The following EXOC2 variants were observed in gnomAD, a reference collection of about 807,000 sequenced individuals.
The protein encoded by EXOC2 is SEC5-like 1.
Under a neutral mutation model 131.8 loss-of-function variants are expected in EXOC2, and 70 were observed. That is an observed-to-expected ratio of 0.53 (90% CI 0.44 to 0.65). EXOC2 has a LOEUF of 0.65. Ranked by LOEUF, EXOC2 falls within the 30% of genes least tolerant of loss-of-function variation. EXOC2 has a pLI of 0.00. For missense variants in EXOC2, 923 were observed against 1,108.6 expected, an observed-to-expected ratio of 0.83 and a Z score of 2.38; for synonymous variants, 411 against 398.4, an observed-to-expected ratio of 1.03 and a Z score of -0.38.
At chr6:685,153 A>AC (rs1764588371) in intron 1 of EXOC2, among the ~76,000 whole-genome samples, 2 of 136,724 alleles carry the variant, frequency 1.5e-5, no homozygotes, top group Non-Finnish European at 3.2e-5. Context: ...CACACACACA[A>AC]CCCTCCCAAA....
chr6:486,926 C>CATCAATCA (rs59179599), intron 27 of EXOC2, among the ~76,000 whole-genome samples, 162 bp from the exon 28 acceptor site: 1 of 152,102 alleles, frequency 6.6e-6, no homozygotes, highest in African/African-American at 2.4e-5. Flanking sequence ...AAAAGAAACA[C>CATCAATCA]ATCAAAGAAG....
At chr6:680,750 C>G (rs902988743) in intron 1 of EXOC2, among the ~76,000 whole-genome samples, 3 of 152,082 alleles carry the variant, frequency 2.0e-5, no homozygotes, top group Non-Finnish European at 2.9e-5. Flanking sequence ...GTGATTATAA[C>G]AAATGATAGT....
chr6:660,385 G>A (rs1763371983), intron 1 of EXOC2, among the ~76,000 whole-genome samples: 1 of 152,158 alleles, frequency 6.6e-6, no homozygotes, highest in Non-Finnish European at 1.5e-5. Context: ...CCCTCCCTCA[G>A]GGAGTCCATT....
intron 1 of EXOC2, among the ~76,000 whole-genome samples, chr6:665,709 G>A (rs1051262563): frequency 1.3e-5 from 2 of 151,946 alleles, no homozygotes; most frequent in African/African-American, 4.8e-5. Flanking sequence ...TGTTCTCACT[G>A]ATATGTGGGA....
intron 25 of EXOC2, among the ~76,000 whole-genome samples, chr6:491,664 A>G (rs966486024): frequency 2.6e-5 from 4 of 152,238 alleles, no homozygotes; most frequent in African/African-American, 4.8e-5. Flanking sequence ...TATGGATTCA[A>G]TGCAATCTCT....
intron 23 of EXOC2, among the ~76,000 whole-genome samples, chr6:500,045 TACTGTAAAACATATACAC>T (rs1212588915): frequency 2.6e-5 from 4 of 152,108 alleles, no homozygotes; most frequent in South Asian, 2.1e-4. Context: ...TATCTATATA[TACTGTAAAACATATACAC>T]ACTGTAAAAC....
At chr6:586,453 A>T (rs1041921676) in intron 11 of EXOC2, among the ~76,000 whole-genome samples, 2 of 152,190 alleles carry the variant, frequency 1.3e-5, no homozygotes, top group Non-Finnish European at 2.9e-5. Context: ...TACATTGCAC[A>T]TATAATTTTA....
intron 21 of EXOC2, among the ~76,000 whole-genome samples, chr6:552,086 C>G (rs765251014): frequency 1.3e-5 from 2 of 152,224 alleles, no homozygotes; most frequent in Non-Finnish European, 2.9e-5. Context: ...AAGTGGGGAC[C>G]ATGACCTCCC....
At chr6:674,760 T>A (rs1251420992) in intron 1 of EXOC2, among the ~76,000 whole-genome samples, 1 of 152,120 alleles carries the variant, frequency 6.6e-6, no homozygotes, top group African/African-American at 2.4e-5. Flanking sequence ...TGCTTTATGA[T>A]GCTTTGACAT....
At chr6:524,565 T>C (rs1765644780) in intron 23 of EXOC2, among the ~76,000 whole-genome samples, 1 of 152,174 alleles carries the variant, frequency 6.6e-6, no homozygotes, top group Non-Finnish European at 1.5e-5. Flanking sequence ...GTCACATTTT[T>C]GATTTGGGGT....
At position 564,661 on chromosome 6, in the gene EXOC2, G is replaced by T; in HGVS notation, c.1551C>A (p.Thr517=). 6.2e-7 allele frequency: 1 copy of T among 1,609,258 alleles called. No homozygotes were observed. Residue 517 remains threonine, a synonymous_variant, in exon 15 of 28, where the codon ACC becomes ACA. Transcript: ENST00000230449. ...TGCTGAGGGGAAGCAGGGCTCCGCG[G>T]GTAAGCTTCACCAGGGAGTGCATTA... is the stretch of plus-strand genomic sequence containing the variant. ...QEVMHSLVKL[T]RGALLPLSIR...
At chr6:563,968 T>G (rs1009603687) in intron 16 of EXOC2, 65 bp downstream of exon 16, 16 of 1,577,970 alleles carry the variant, frequency 1.0e-5, no homozygotes, top group Non-Finnish European at 1.4e-5. Flanking sequence ...ATTTGGACAC[T>G]GAAAGGAGGT....
At chr6:658,277 A>G (rs1014471062) in intron 1 of EXOC2, among the ~76,000 whole-genome samples, 1 of 152,116 alleles carries the variant, frequency 6.6e-6, no homozygotes, top group Non-Finnish European at 1.5e-5. Context: ...CCAGTGATTT[A>G]ATTTCTGTAT....
rs199651728 is a variant in EXOC2, at chr6:564,588, C to T, written c.1624G>A (p.Glu542Lys). 652 of 1,614,186 alleles carry T rather than the reference C, an allele frequency of 4.0e-4. No homozygotes were observed. The highest frequency in any genetic ancestry group is 5.4e-4 in the Non-Finnish European group (634 of 1,180,028). Residue 542 changes from glutamate (E) to lysine (K), a missense_variant, in exon 15 of 28, where the codon GAG (glutamate) becomes AAG (lysine). Physicochemically the swap from Glu to Lys is moderately conservative, Grantham distance 56. Transcript: ENST00000230449. Reference sequence around the variant, plus strand: ...TGAGCGAGCCACTGTCCGGAGAGCTCGCACTTCACCTCCCAGCCTCCGTAC... The same window carrying T: ...TGAGCGAGCCACTGTCCGGAGAGCTTGCACTTCACCTCCCAGCCTCCGTAC... ...KQYGGWEVKCELSGQWLAHAI... is the reference protein window; with the variant it reads ...KQYGGWEVKCKLSGQWLAHAI...
rs377743903 is a variant in EXOC2, at chr6:612,329, A to T, written c.662-2151T>A. Among the ~76,000 whole-genome samples, 17 of 152,378 alleles carry T rather than the reference A, an allele frequency of 1.1e-4. No individual in the cohort carries two copies. The East Asian group carries it at 1.2e-3, about 10-fold the overall frequency. ...AAGGCTGTGGCCTAATTTGGCTCAC[A>T]TGCTGACCTCTGAGTAGGATTATAT... On this transcript the variant is annotated intron_variant, in intron 6 of 27. Coordinates refer to ENST00000230449, the MANE Select transcript of EXOC2 (RefSeq NM_018303.6).
chr6:530,376 T>C (rs1427617918), intron 23 of EXOC2, among the ~76,000 whole-genome samples: 3 of 152,208 alleles, frequency 2.0e-5, no homozygotes, highest in Non-Finnish European at 4.4e-5. Flanking sequence ...GACTGCACTA[T>C]GCTAAAAACT....
chr6:636,998 A>C (rs931962211), intron 2 of EXOC2, among the ~76,000 whole-genome samples: 1 of 152,196 alleles, frequency 6.6e-6, no homozygotes, highest in Non-Finnish European at 1.5e-5. Flanking sequence ...CGCAGACCTG[A>C]GAGCTTCAAG....
At chr6:494,533 T>C (rs1331366338) in intron 25 of EXOC2, among the ~76,000 whole-genome samples, 1 of 151,790 alleles carries the variant, frequency 6.6e-6, no homozygotes, top group East Asian at 1.9e-4. Context: ...TGTATACACC[T>C]GTGATGGAAA....
chr6:485,526 A>G lies in EXOC2; in HGVS notation c.*1145T>C, dbSNP rs369179892. On this transcript the variant is annotated 3_prime_UTR_variant, in exon 28 of 28. Transcript: ENST00000230449. Reference sequence around the variant, plus strand: ...ACTTGAAAACCCTGACAAGCCGACTACAAAGAGAATTCCTCTCTGAAAATT... The same window carrying G: ...ACTTGAAAACCCTGACAAGCCGACTGCAAAGAGAATTCCTCTCTGAAAATT... 1 of 152,240 alleles carries G rather than the reference A, an allele frequency of 6.6e-6. No individual in the cohort carries two copies. The allele number at this position is 152,240 out of a possible 1,614,324, so 9.4% of individuals were successfully genotyped here.
Sources: allele counts gnomAD v4.1 joint callset (sites outside exome capture counted in the v4.1 genomes callset), GRCh38; gene constraint gnomAD v4.1.1; transcripts MANE v1.5; gene names NCBI Gene and HGNC (gene_info 2026-07-23, HGNC 2026-07-21).